FABP7: variants seen among roughly 807,000 people sequenced by gnomAD.
FABP7 encodes fatty acid binding protein 7.
A neutral mutation model predicts 14.2 loss-of-function variants in FABP7; 13 were observed. The ratio of observed to expected loss-of-function variants is 0.91; its 90% CI spans 0.59 to 1.45. The LOEUF is 1.45. FABP7 is among the 40% of genes most tolerant of loss of function. FABP7 has a pLI of 0.00. For missense variants in FABP7, 149 were observed against 157.6 expected (o/e 0.95, Z 0.29); for synonymous variants, 49 against 51.4 (o/e 0.95, Z 0.20).
chr6:122,769,172 A>G, the FABP7 span, among the ~76,000 whole-genome samples: 1 of 152,140 alleles, frequency 6.6e-6, no homozygotes, highest in Non-Finnish European at 1.5e-5. Context: ...GAAGTGACCC[A>G]TGAAAACTCA....
chr6:122,757,920 T>G, the FABP7 span, among the ~76,000 whole-genome samples: 1 of 152,138 alleles, frequency 6.6e-6, no homozygotes, highest in Non-Finnish European at 1.5e-5. Flanking sequence ...TTTACTAAGA[T>G]TTATATGTGG....
At chr6:122,777,120 A>G (rs1328163157), upstream of FABP7, among the ~76,000 whole-genome samples, 1 of 152,252 alleles carries the variant, frequency 6.6e-6, no homozygotes, top group East Asian at 1.9e-4. Flanking sequence ...TATCTAATAC[A>G]TGGTTCCTGC....
At chr6:122,758,172 A>G in the FABP7 span, among the ~76,000 whole-genome samples, 2 of 148,680 alleles carry the variant, frequency 1.3e-5, no homozygotes, top group African/African-American at 2.5e-5. Context: ...CTGTAGCACA[A>G]TCTTGGCTCT....
At chr6:122,757,869 G>A in the FABP7 span, among the ~76,000 whole-genome samples, 9 of 151,942 alleles carry the variant, frequency 5.9e-5, no homozygotes, top group Non-Finnish European at 1.2e-4. Flanking sequence ...TAGTATTCCC[G>A]TTACTATTTA....
chr6:122,760,768 A>G, the FABP7 span, among the ~76,000 whole-genome samples: 1 of 152,138 alleles, frequency 6.6e-6, no homozygotes, highest in African/African-American at 2.4e-5. Flanking sequence ...AATTTAAATG[A>G]TATTTAAATC....
intron 3 of FABP7, chr6:122,783,005 G>A: frequency 1.0e-6 from 1 of 985,270 alleles, no homozygotes; most frequent in Non-Finnish European, 1.2e-6. Context: ...GCAAGATTGA[G>A]TTCAAAAAGG....
chr6:122,758,509 G>A, the FABP7 span, among the ~76,000 whole-genome samples: 9 of 152,232 alleles, frequency 5.9e-5, no homozygotes, highest in East Asian at 1.7e-3. Context: ...TATTCCTAGT[G>A]CAAGTTCTTG....
At chr6:122,777,002 C>T (rs549383003), upstream of FABP7, among the ~76,000 whole-genome samples, 9 of 152,190 alleles carry the variant, frequency 5.9e-5, no homozygotes, top group East Asian at 1.9e-4. Context: ...ATATGCTCTA[C>T]GAATAAATAT....
At chr6:122,755,599 G>T in the FABP7 span, among the ~76,000 whole-genome samples, 1 of 151,060 alleles carries the variant, frequency 6.6e-6, no homozygotes, top group African/African-American at 2.4e-5. Flanking sequence ...GACTACAGGC[G>T]CCTGCCACCA....
At chr6:122,751,660 G>A in the FABP7 span, among the ~76,000 whole-genome samples, 1 of 152,186 alleles carries the variant, frequency 6.6e-6, no homozygotes, top group Non-Finnish European at 1.5e-5. Context: ...GCTCTGCTAT[G>A]CTGCAGAACT....
At chr6:122,765,069 C>A in the FABP7 span, among the ~76,000 whole-genome samples, 1 of 152,062 alleles carries the variant, frequency 6.6e-6, no homozygotes, top group Non-Finnish European at 1.5e-5. Flanking sequence ...GAAAAATCTT[C>A]TTTTACAGGC....
chr6:122,756,480 T>C, the FABP7 span, among the ~76,000 whole-genome samples: 73,484 of 152,032 alleles, frequency 0.48, 19,598 homozygotes, highest in Non-Finnish European at 0.61. Context: ...CCAACATATA[T>C]GCATCTGTAG....
chr6:122,781,515 A>G (rs1780783864), intron 3 of FABP7: 2 of 1,334,352 alleles, frequency 1.5e-6, no homozygotes, highest in Non-Finnish European at 1.9e-6. Context: ...TGTCTCTCAA[A>G]TAAAATTTAA....
chr6:122,762,617 G>A, the FABP7 span, among the ~76,000 whole-genome samples: 1 of 152,196 alleles, frequency 6.6e-6, no homozygotes, highest in South Asian at 2.1e-4. Flanking sequence ...GTTTGCAGAT[G>A]ACATGATTGT....
At chr6:122,750,488 C>T in the FABP7 span, among the ~76,000 whole-genome samples, 4 of 152,226 alleles carry the variant, frequency 2.6e-5, no homozygotes, top group African/African-American at 9.6e-5. Flanking sequence ...AACAGTACAA[C>T]CAGACATGTG....
At chr6:122,781,388 A>G in intron 3 of FABP7, 194 bp downstream of exon 3, 1 of 1,436,264 alleles carries the variant, frequency 7.0e-7, no homozygotes, top group South Asian at 1.5e-5. Flanking sequence ...TTTCTTCTTC[A>G]GCTCAACTTC....
At chr6:122,775,916 T>C (rs897229953), upstream of FABP7, among the ~76,000 whole-genome samples, 1 of 152,020 alleles carries the variant, frequency 6.6e-6, no homozygotes, top group Non-Finnish European at 1.5e-5. Context: ...AAAGAAGAGA[T>C]AAGAATGGAC....
At chr6:122,769,557 T>C in the FABP7 span, among the ~76,000 whole-genome samples, 1 of 152,080 alleles carries the variant, frequency 6.6e-6, no homozygotes, top group Non-Finnish European at 1.5e-5. Flanking sequence ...TTCAGAAAAA[T>C]GTATTTGGTT....
chr6:122,782,154 TA>T, intron 3 of FABP7: 2 of 983,104 alleles, frequency 2.0e-6, no homozygotes, highest in Non-Finnish European at 2.4e-6. Context: ...ACATGAAAAA[TA>T]TTTTTTTCAA....
Sources: allele counts gnomAD v4.1 joint callset (sites outside exome capture counted in the v4.1 genomes callset), GRCh38; gene constraint gnomAD v4.1.1; transcripts MANE v1.5; gene names NCBI Gene and HGNC (gene_info 2026-07-23, HGNC 2026-07-21).